The following TNPO3 variants were observed in gnomAD, a reference collection of about 807,000 sequenced individuals.
TNPO3 encodes transportin-3.
In TNPO3, 65 loss-of-function variants were observed where a neutral mutation model predicts 122.8. The ratio of observed to expected loss-of-function variants is 0.53; its 90% CI spans 0.43 to 0.65. The LOEUF (loss-of-function observed/expected upper bound fraction) is 0.65, where lower values mean the gene tolerates loss of function less well. Among genes scored for constraint, TNPO3 ranks in the 30% least tolerant of loss-of-function variants. The pLI is 0.00. For missense variants in TNPO3, 850 were observed against 1,136.7 expected (o/e 0.75, Z 3.63); for synonymous variants, 372 against 411.2 (o/e 0.90, Z 1.15).
chr7:129,038,513 A>T (rs1166486905), intron 1 of TNPO3, among the ~76,000 whole-genome samples: 1 of 152,246 alleles, frequency 6.6e-6, no homozygotes, highest in Non-Finnish European at 1.5e-5. Flanking sequence ...TTGTTCTATC[A>T]TAAAGACACA....
chr7:129,039,367 G>A (rs1443093788), intron 1 of TNPO3, among the ~76,000 whole-genome samples: 1 of 152,022 alleles, frequency 6.6e-6, no homozygotes, highest in East Asian at 1.9e-4. Context: ...TTTGAAACCA[G>A]CCTGGGCAAC....
rs747958887 is a variant in TNPO3 at position 128,967,390 on chromosome 7, A to C, written c.2601T>G (p.Thr867=). The change falls in exon 21 of 23, where the codon ACT becomes ACG. Residue 867 remains threonine, a splice_region_variant and synonymous_variant. Coordinates refer to ENST00000265388, the MANE Select transcript of TNPO3 (RefSeq NM_012470.4). The part of the protein sequence containing the change: ...LWEIMQVDRP[T]FCRWLENSLK... ...AGGAATTTTCTAACCATCGACAAAA[A>C]GTCTGTATAGGAAAGAGGGGTAAGA... The C allele has an allele frequency of 6.2e-7, 1 of 1,604,568 alleles. No individual in the cohort carries two copies. Among genetic ancestry groups the C allele is most frequent in the Non-Finnish European group, 8.5e-7 (1 of 1,171,326 alleles).
chr7:128,978,587 G>GT (rs1799315237), intron 16 of TNPO3, among the ~76,000 whole-genome samples: 1 of 152,060 alleles, frequency 6.6e-6, no homozygotes, highest in African/African-American at 2.4e-5. Flanking sequence ...TCTTTCAAGT[G>GT]TTTTTTTAGT....
intron 4 of TNPO3, among the ~76,000 whole-genome samples, chr7:129,007,458 C>G (rs1443251221): frequency 6.6e-6 from 1 of 152,164 alleles, no homozygotes. Flanking sequence ...GTGTAACTAG[C>G]TATATACTAA....
At chr7:128,978,440 T>A (rs1174005389) in intron 16 of TNPO3, among the ~76,000 whole-genome samples, 1 of 152,218 alleles carries the variant, frequency 6.6e-6, no homozygotes, top group Non-Finnish European at 1.5e-5. Flanking sequence ...AGTATATAAG[T>A]ACTGAGCCCA....
rs535618381 is a variant in TNPO3, at chr7:129,048,222, C to A, written c.120+6429G>T. ...CACAGCCTGGGTAACAGAGTGAGACCCTGTCTCAAAAAACTAAATAAATAG... is the reference window on the plus strand; with the variant it reads ...CACAGCCTGGGTAACAGAGTGAGACACTGTCTCAAAAAACTAAATAAATAG... On this transcript the variant is annotated intron_variant, in intron 1 of 22. Coordinates refer to ENST00000265388, the MANE Select transcript of TNPO3 (RefSeq NM_012470.4). 2.0e-5 allele frequency among the ~76,000 whole-genome samples: 3 copies of A among 151,668 alleles called. No individual in the cohort carries two copies. In the South Asian group the frequency reaches 6.3e-4, roughly 32 times the overall value.
At chr7:128,964,055 C>A in intron 21 of TNPO3, among the ~76,000 whole-genome samples, 1 of 151,576 alleles carries the variant, frequency 6.6e-6, no homozygotes, top group Non-Finnish European at 1.5e-5. Context: ...TTTACAATAG[C>A]ATAAAAAAAA....
At chr7:129,035,933 GTTTTTTCTTTTCTTTTCT>G (rs1275742183) in intron 1 of TNPO3, among the ~76,000 whole-genome samples, 8 of 135,482 alleles carry the variant, frequency 5.9e-5, no homozygotes, top group Non-Finnish European at 1.3e-4. Flanking sequence ...GGGTATGTGT[GTTTTTTCTTTTCTTTTCT>G]TTTTTTTTTT....
At chr7:129,040,378 C>T (rs75230752) in intron 1 of TNPO3, among the ~76,000 whole-genome samples, 14,451 of 151,878 alleles carry the variant, frequency 0.095, 759 homozygotes, top group Non-Finnish European at 0.12. Flanking sequence ...TTCACTAAAG[C>T]TATTTTTTAA....
chr7:128,979,262 T>C (rs1036241367), intron 15 of TNPO3, 139 bp from the exon 16 acceptor site: 26 of 1,013,032 alleles, frequency 2.6e-5, no homozygotes, highest in Non-Finnish European at 3.4e-5. Context: ...ATGGCCAGCA[T>C]GCTCAGGTTC....
chr7:128,976,972 C>G (rs1387829397), intron 16 of TNPO3, among the ~76,000 whole-genome samples: 2 of 152,174 alleles, frequency 1.3e-5, no homozygotes, highest in African/African-American at 4.8e-5. Flanking sequence ...ATCTTATCCA[C>G]CATTCAGTCT....
At chr7:129,025,305 G>A (rs574361202) in intron 1 of TNPO3, among the ~76,000 whole-genome samples, 6 of 123,110 alleles carry the variant, frequency 4.9e-5, no homozygotes, top group East Asian at 5.3e-4. Context: ...AGCCGAGATC[G>A]TACCACCACA....
Position 128,970,165 on chromosome 7 carries a change from T to A in TNPO3, c.2581A>T (p.Met861Leu), listed in dbSNP as rs776650947. 2 of 1,614,180 alleles carry A rather than the reference T, an allele frequency of 1.2e-6. No individual in the cohort carries two copies. The highest frequency in any genetic ancestry group is 8.5e-7 in the Non-Finnish European group (1 of 1,180,016). Residue 861 changes from methionine (M) to leucine (L), a missense_variant, in exon 20 of 23, where the codon ATG becomes TTG. Physicochemically the swap from Met to Leu is conservative, Grantham distance 15. Transcript: ENST00000265388. The stretch of plus-strand genomic sequence containing the variant: ...AATCTTACCGGTCTGTCAACCTGCA[T>A]GATCTCCCAGAGCACTTCAGCCACA... ...PDVAEVLWEIMQVDRPTFCRW... is the reference protein window; with the variant it reads ...PDVAEVLWEILQVDRPTFCRW...
chr7:129,035,621 A>C (rs917760455), intron 1 of TNPO3, among the ~76,000 whole-genome samples: 1 of 151,878 alleles, frequency 6.6e-6, no homozygotes, highest in Non-Finnish European at 1.5e-5. Context: ...GTCGGGGGGA[A>C]AAAAAAAGCA....
chr7:129,019,811 T>C (rs140619406), intron 1 of TNPO3, among the ~76,000 whole-genome samples: 2,344 of 152,068 alleles, frequency 0.015, 29 homozygotes, highest in Non-Finnish European at 0.023. Flanking sequence ...CTGGCCAACA[T>C]GGTGAAACCC....
chr7:129,029,976 C>T (rs1584584065), intron 1 of TNPO3: 1 of 152,466 alleles, frequency 6.6e-6, no homozygotes, highest in Middle Eastern at 3.4e-3. Context: ...GCAGTGAGCC[C>T]AGATCACACC....
intron 1 of TNPO3, among the ~76,000 whole-genome samples, chr7:129,035,917 T>C (rs931408631): frequency 1.1e-4 from 17 of 151,830 alleles, no homozygotes; most frequent in African/African-American, 2.2e-4. Flanking sequence ...ACCCTGGATT[T>C]GTGTGGGGTA....
In TNPO3 at chr7:129,045,704, A is replaced by G. The variant is rs142359126; in HGVS notation, c.120+8947T>C. ...TAGTACCCTGATAATTTTACATCCTAAATCAAACTATCAACTTTGGCCCAA... is the reference window on the plus strand; with the variant it reads ...TAGTACCCTGATAATTTTACATCCTGAATCAAACTATCAACTTTGGCCCAA... On this transcript the variant is annotated intron_variant, in intron 1 of 22. Transcript: ENST00000265388. Among the ~76,000 whole-genome samples the G allele has an allele frequency of 5.1e-3, 776 of 152,330 alleles. 5 individuals carry two copies. Among genetic ancestry groups the G allele is most frequent in the Admixed American group, 0.011 (175 of 15,304 alleles).
chr7:128,986,704 T>A, intron 12 of TNPO3, 25 bp downstream of exon 12: 1 of 1,594,246 alleles, frequency 6.3e-7, no homozygotes, highest in Non-Finnish European at 8.5e-7. Flanking sequence ...GAGGTGACTA[T>A]TAGTGGTTAA....
Sources: gnomAD v4.1 joint callset for allele counts (sites outside exome capture counted in the v4.1 genomes callset) on GRCh38, gnomAD v4.1.1 for gene constraint, MANE v1.5 for transcripts, NCBI Gene and HGNC (gene_info 2026-07-23, HGNC 2026-07-21) for gene names.